Variants in FMN2 observed in about 807,000 individuals in gnomAD.
FMN2 encodes the protein formin-2.
In FMN2, 51 loss-of-function variants were observed where a neutral mutation model predicts 142.3. That is an observed-to-expected ratio of 0.36 (90% CI 0.29 to 0.45). The LOEUF is 0.45. Ranked by LOEUF, FMN2 falls within the 20% of genes least tolerant of loss-of-function variation. FMN2 has a pLI of 1.00. For missense variants in FMN2, 1,936 were observed against 2,122.8 expected, an observed-to-expected ratio of 0.91 and a Z score of 1.73; for synonymous variants, 882 against 869.8, an observed-to-expected ratio of 1.01 and a Z score of -0.25.
At chr1:240,110,892 T>G (rs1661785552) in intron 1 of FMN2, among the ~76,000 whole-genome samples, 1 of 151,952 alleles carries the variant, frequency 6.6e-6, no homozygotes, top group Admixed American at 6.5e-5. Context: ...ATCTACTAAA[T>G]TTAAGGAAAA....
In FMN2 at chr1:240,091,894, C is replaced by T. The variant is rs907530200; in HGVS notation, c.-216C>T. 19 of 758,440 alleles carry T rather than the reference C, an allele frequency of 2.5e-5. No individual in the cohort carries two copies. The highest frequency in any genetic ancestry group is 8.2e-4 in the Middle Eastern group (2 of 2,440). 47.0% of individuals were successfully genotyped at this position (758,440 alleles called of 1,614,324 possible). ...GCCGGCCCCTAGCCGCAGCCGCAGC[C>T]GCAGCGACGGCAGCCACGGGAGCCG... On this transcript the variant is annotated 5_prime_UTR_variant, in exon 1 of 18. Coordinates refer to ENST00000319653, the MANE Select transcript of FMN2 (RefSeq NM_020066.5).
At chr1:240,330,812 G>A in intron 11 of FMN2, 63 bp downstream of exon 11, 1 of 1,556,590 alleles carries the variant, frequency 6.4e-7, no homozygotes, top group Non-Finnish European at 8.7e-7. Flanking sequence ...TTAGTAATGG[G>A]TTTGAATGTA....
At chr1:240,223,937 T>G (rs1667210143) in intron 6 of FMN2, among the ~76,000 whole-genome samples, 2 of 152,194 alleles carry the variant, frequency 1.3e-5, no homozygotes, top group Non-Finnish European at 2.9e-5. Flanking sequence ...CACCAGCTCC[T>G]GGATTCGTTG....
intron 16 of FMN2, among the ~76,000 whole-genome samples, chr1:240,455,133 T>C (rs1245694408): frequency 6.6e-6 from 1 of 152,102 alleles, no homozygotes; most frequent in Admixed American, 6.5e-5. Flanking sequence ...CCAGGGACTC[T>C]GCACAACCTC....
intron 4 of FMN2, among the ~76,000 whole-genome samples, chr1:240,201,838 T>C (rs774645927): frequency 1.3e-5 from 2 of 152,138 alleles, no homozygotes; most frequent in African/African-American, 4.8e-5. Flanking sequence ...GAAACAGAAG[T>C]GTTTACTATA....
intron 15 of FMN2, among the ~76,000 whole-genome samples, chr1:240,433,577 T>G (rs1280195569): frequency 2.6e-5 from 4 of 152,226 alleles, no homozygotes; most frequent in African/African-American, 9.6e-5. Flanking sequence ...TACTAAGAGT[T>G]CATACAGCTC....
intron 2 of FMN2, among the ~76,000 whole-genome samples, chr1:240,148,977 A>AAAAAAAT (rs145912288): frequency 1.3e-5 from 2 of 150,054 alleles, no homozygotes; most frequent in Non-Finnish European, 3.0e-5. Flanking sequence ...GTCTCAAAAA[A>AAAAAAAT]AAATAAATAA....
intron 2 of FMN2, among the ~76,000 whole-genome samples, chr1:240,154,985 T>C (rs1225824214): frequency 6.6e-6 from 1 of 150,598 alleles, no homozygotes. Flanking sequence ...CTTTCAGACT[T>C]AAGCAATCCC....
intron 17 of FMN2, 72 bp downstream of exon 17, chr1:240,472,525 T>C (rs1676845527): frequency 2.1e-6 from 2 of 941,504 alleles, no homozygotes; most frequent in African/African-American, 3.4e-5. Flanking sequence ...ATATACAAAC[T>C]CATAATATTT....
At chr1:240,242,487 A>G (rs909120485) in intron 6 of FMN2, among the ~76,000 whole-genome samples, 1 of 152,176 alleles carries the variant, frequency 6.6e-6, no homozygotes, top group African/African-American at 2.4e-5. Context: ...TAGACTAAAT[A>G]AGAATGAAAG....
Position 240,209,899 on chromosome 1 carries a change from G to A in FMN2, c.3920+1167G>A, listed in dbSNP as rs527490814. ...AGCCTGGGCGACAGAGCGAGAGTCCGTCTCAAAAATAAGTAAGTAAGTAAA... is the reference window on the plus strand; with the variant it reads ...AGCCTGGGCGACAGAGCGAGAGTCCATCTCAAAAATAAGTAAGTAAGTAAA... On this transcript the variant is annotated intron_variant, in intron 5 of 17. Transcript: ENST00000319653. Among the ~76,000 whole-genome samples, 29 of 151,824 alleles carry A rather than the reference G, an allele frequency of 1.9e-4. 2 individuals are homozygous for A. The highest frequency in any genetic ancestry group is 1.7e-3 in the Admixed American group (26 of 15,250).
At chr1:240,179,915 A>G (rs543804066) in intron 3 of FMN2, among the ~76,000 whole-genome samples, 1 of 152,156 alleles carries the variant, frequency 6.6e-6, no homozygotes, top group South Asian at 2.1e-4. Flanking sequence ...TGATATTCTT[A>G]AATTTTAGGG....
At chr1:240,317,213 G>A (rs888723784) in intron 8 of FMN2, among the ~76,000 whole-genome samples, 3 of 152,088 alleles carry the variant, frequency 2.0e-5, no homozygotes, top group African/African-American at 7.2e-5. Flanking sequence ...CTGCTCAGGA[G>A]GCTAAGGCAG....
intron 1 of FMN2, among the ~76,000 whole-genome samples, chr1:240,122,903 T>C (rs1662341087): frequency 1.3e-5 from 2 of 152,120 alleles, no homozygotes; most frequent in Admixed American, 6.5e-5. Context: ...AAATCTTAGA[T>C]GGAAGCTGTA....
Position 240,217,820 on chromosome 1 carries a change from C to T in FMN2, c.4065+6585C>T, listed in dbSNP as rs555580932. ...ATGGCTAAAAATAAAAAAAAAAACA[C>T]GAATACACCAGCATAATATAAAGGA... On this transcript the variant is annotated intron_variant, in intron 6 of 17. Coordinates refer to ENST00000319653, the MANE Select transcript of FMN2 (RefSeq NM_020066.5). Among the ~76,000 whole-genome samples, 340 of 150,682 alleles carry T rather than the reference C, an allele frequency of 2.3e-3. 1 individual carries two copies. Among genetic ancestry groups the T allele is most frequent in the African/African-American group, 7.9e-3 (323 of 41,102 alleles).
intron 16 of FMN2, among the ~76,000 whole-genome samples, chr1:240,445,554 T>G (rs879724671): frequency 6.6e-6 from 1 of 152,116 alleles, no homozygotes; most frequent in Admixed American, 6.6e-5. Context: ...TTCACGGCAA[T>G]GTGGCAGGAA....
chr1:240,364,001 T>C (rs780699427), intron 14 of FMN2, among the ~76,000 whole-genome samples: 1 of 152,066 alleles, frequency 6.6e-6, no homozygotes, highest in Non-Finnish European at 1.5e-5. Flanking sequence ...AAAAAAAAGG[T>C]CATAGGATAA....
intron 13 of FMN2, among the ~76,000 whole-genome samples, chr1:240,334,434 T>A (rs1473141464): frequency 6.6e-6 from 1 of 152,224 alleles, no homozygotes; most frequent in Non-Finnish European, 1.5e-5. Flanking sequence ...GGTTATTAAG[T>A]AATATCTTGG....
At chr1:240,413,388 G>C (rs971486930) in intron 15 of FMN2, among the ~76,000 whole-genome samples, 2 of 151,974 alleles carry the variant, frequency 1.3e-5, no homozygotes, top group African/African-American at 4.8e-5. Context: ...GGAGTGACAT[G>C]AGAACTGAAG....
Sources: gnomAD v4.1 joint callset for allele counts (sites outside exome capture counted in the v4.1 genomes callset) on GRCh38, gnomAD v4.1.1 for gene constraint, MANE v1.5 for transcripts, NCBI Gene and HGNC (gene_info 2026-07-23, HGNC 2026-07-21) for gene names.